The following CCDC187 variants were observed in gnomAD, a reference collection of about 807,000 sequenced individuals.
CCDC187 encodes the protein coiled-coil domain-containing protein 187.
Under a neutral mutation model 38.0 loss-of-function variants are expected in CCDC187, and 32 were observed. That is an observed-to-expected ratio of 0.84 (90% confidence interval 0.64 to 1.13). The LOEUF (loss-of-function observed/expected upper bound fraction) is 1.13. Ranked by LOEUF, CCDC187 falls within the 50% of genes most tolerant of loss-of-function variation. The pLI, the probability that CCDC187 is intolerant of heterozygous loss-of-function variation, is 0.00. For missense variants in CCDC187, 707 were observed against 786.8 expected (o/e 0.90, Z 1.21); for synonymous variants, 333 against 347.9 (o/e 0.96, Z 0.48).
At position 136,254,538 on chromosome 9, in the gene CCDC187, C is replaced by T; in HGVS notation, c.5290G>A (p.Glu1764Lys). The change falls in exon 26 of 26, where the codon GAG (glutamate) becomes AAG (lysine). Residue 1764 changes from glutamate to lysine, a missense_variant. By Grantham distance (56) the Glu-to-Lys change is moderately conservative. Coordinates refer to ENST00000638797, the MANE Select transcript of CCDC187 (RefSeq NM_001378188.1). Reference sequence around the variant, plus strand: ...TCTGGCAGGTCCTCCTCGCAGTCCTCCTCCCAAACTTTGCTGGAGGCCTCT... The same window carrying T: ...TCTGGCAGGTCCTCCTCGCAGTCCTTCTCCCAAACTTTGCTGGAGGCCTCT... ...LSEASSKVWEEDCEEDLPEPC... is the reference protein window; with the variant it reads ...LSEASSKVWEKDCEEDLPEPC... 1.0e-6 allele frequency: 1 copy of T among 985,536 alleles called. No homozygotes were observed. The highest frequency in any genetic ancestry group is 1.2e-6 in the Non-Finnish European group (1 of 830,000). 61.0% of individuals were successfully genotyped at this position (985,536 alleles called of 1,614,324 possible). A position where few individuals can be genotyped will look rare whatever the true frequency, so the allele number is the denominator to read the frequency against.
upstream of CCDC187, among the ~76,000 whole-genome samples, chr9:136,304,718 G>A (rs1343026796): frequency 6.6e-6 from 1 of 152,178 alleles, no homozygotes; most frequent in African/African-American, 2.4e-5. Flanking sequence ...GGAGCCTGGG[G>A]ACCACCCCCT....
In CCDC187 at chr9:136,256,258, G is replaced by A. The variant is rs568404740; in HGVS notation, c.4569C>T (p.Pro1523=). 56 of 985,538 alleles carry A rather than the reference G, an allele frequency of 5.7e-5. No individual in the cohort carries two copies. The South Asian group carries it at 1.2e-3, about 22-fold the overall frequency. The allele number at this position is 985,538 out of a possible 1,614,324, so 61.0% of individuals were successfully genotyped here. Residue 1523 remains proline, a synonymous_variant, in exon 24 of 26, where the codon CCC becomes CCT. Transcript: ENST00000638797. The part of the protein sequence containing the change: ...LESGLDFAES[P]VEESQETESW... ...TCTCGGTTTCCTGGGACTCCTCCAC[G>A]GGGCTCTCAGCAAAATCCAGCCCCG...
intron 5 of CCDC187, 141 bp downstream of exon 5, chr9:136,292,020 G>T: frequency 2.5e-6 from 1 of 397,622 alleles, no homozygotes; most frequent in Non-Finnish European, 4.4e-6. Flanking sequence ...TGGCAGGTTT[G>T]GAGGGTGTTT....
intron 4 of CCDC187, among the ~76,000 whole-genome samples, chr9:136,292,902 C>G (rs1831370412): frequency 6.6e-6 from 1 of 152,228 alleles, no homozygotes; most frequent in Admixed American, 6.5e-5. Context: ...GGCCCCACGT[C>G]CCGAGTACAA....
In CCDC187 at chr9:136,250,561, TCA is replaced by T; in HGVS notation, c.*3031_*3032del. On this transcript the variant is annotated 3_prime_UTR_variant, in exon 26 of 26. Transcript: ENST00000638797. ...GCAATAAATGGAAAAAAATAAAAAA[TCA>T]CAGACTAATTTGTTCAGAAGACTAG... The T allele has an allele frequency of 2.9e-6, 1 of 348,368 alleles. No individual in the cohort carries two copies. The highest frequency in any genetic ancestry group is 5.7e-6 in the Non-Finnish European group (1 of 175,478). 21.6% of individuals were successfully genotyped at this position (348,368 alleles called of 1,614,324 possible).
In CCDC187 at chr9:136,303,092, C is replaced by T. The variant is rs1351198783; in HGVS notation, c.345G>A (p.Ser115=). ...EARDGDSSVS[S]GRLSCSSGGH... ...CCCCCGAAGAGCACGAGAGGCGGCCCGATGACACCGAGCTGTCCCCATCCC... is the reference window on the plus strand; with the variant it reads ...CCCCCGAAGAGCACGAGAGGCGGCCTGATGACACCGAGCTGTCCCCATCCC... The change falls in exon 2 of 26, where the codon TCG becomes TCA. Residue 115 remains serine (S), a synonymous_variant. Transcript: ENST00000638797. The T allele has an allele frequency of 4.8e-5, 19 of 398,496 alleles. No individual in the cohort carries two copies. The highest frequency in any genetic ancestry group is 2.7e-4 in the African/African-American group (13 of 48,632). 24.7% of individuals were successfully genotyped at this position (398,496 alleles called of 1,614,324 possible).
rs1274839337 is a variant in CCDC187 at position 136,264,307 on chromosome 9, C to G, written c.3736-509G>C. ...AGCGGGTGTCTGGTCCATGGCCCCA[C>G]TGGGGAGTCCCAGACCCCACCTCCA... is the stretch of plus-strand genomic sequence containing the variant. On this transcript the variant is annotated intron_variant, in intron 17 of 25. Coordinates refer to ENST00000638797, the MANE Select transcript of CCDC187 (RefSeq NM_001378188.1). This position sits in a 1 kb window ranked among gnomAD's most constrained non-coding sequence, Gnocchi z 4.3. 1.3e-5 allele frequency: 2 copies of G among 152,318 alleles called. No homozygotes were observed. Among genetic ancestry groups the G allele is most frequent in the African/African-American group, 4.8e-5 (2 of 41,456 alleles). The allele number at this position is 152,318 out of a possible 1,614,324, so 9.4% of individuals were successfully genotyped here.
At chr9:136,305,980 G>T (rs1034509843), upstream of CCDC187, among the ~76,000 whole-genome samples, 40 of 152,328 alleles carry the variant, frequency 2.6e-4, no homozygotes, top group East Asian at 7.0e-3. Flanking sequence ...ACCCTCTGCC[G>T]ATGTTGTCCG....
chr9:136,262,907 A>G (rs1043168112), intron 18 of CCDC187, among the ~76,000 whole-genome samples: 5 of 151,920 alleles, frequency 3.3e-5, no homozygotes, highest in Non-Finnish European at 7.4e-5. Context: ...CCCCTTGTCC[A>G]CACAGCGTCC....
In CCDC187 at chr9:136,285,615, A is replaced by G. The variant is rs1048714371; in HGVS notation, c.2834-9T>C. The G allele has an allele frequency of 2.0e-5, 8 of 400,118 alleles. No homozygotes were observed. Among genetic ancestry groups the G allele is most frequent in the Admixed American group, 1.8e-4 (4 of 22,738 alleles). The allele number at this position is 400,118 out of a possible 1,614,324, so 24.8% of individuals were successfully genotyped here. On this transcript the variant is annotated splice_polypyrimidine_tract_variant and intron_variant, in intron 8 of 25. Coordinates refer to ENST00000638797, the MANE Select transcript of CCDC187 (RefSeq NM_001378188.1). ...TCCCTCCTCTGGAAAACCTTGGAGA[A>G]GAGGGCACCTGGCTTCACTCCCTGG...
rs1044720556 is a variant in CCDC187, at chr9:136,296,859, G to A, written c.832+855C>T. On this transcript the variant is annotated intron_variant, in intron 4 of 25. Coordinates refer to ENST00000638797, the MANE Select transcript of CCDC187 (RefSeq NM_001378188.1). ...ACAGGATTACCTGACTGGACTCTCC[G>A]GGAAACACGCATGAAATTAATCGTA... Among the ~76,000 whole-genome samples, 13 of 152,298 alleles carry A rather than the reference G, an allele frequency of 8.5e-5. No individual in the cohort carries two copies. The East Asian group carries it at 1.7e-3, about 20-fold the overall frequency.
At chr9:136,263,908 G>T in intron 17 of CCDC187, 110 bp from the exon 18 acceptor site, 2 of 793,740 alleles carry the variant, frequency 2.5e-6, no homozygotes, top group Non-Finnish European at 3.1e-6. Flanking sequence ...CACACTGGGA[G>T]GCCTCCCTTT....
At chr9:136,287,727 G>A (rs1280326610) in intron 7 of CCDC187, among the ~76,000 whole-genome samples, 2 of 152,236 alleles carry the variant, frequency 1.3e-5, no homozygotes, top group African/African-American at 2.4e-5. Context: ...CAAGCATGGC[G>A]TGTTCCTGCT....
intron 4 of CCDC187, among the ~76,000 whole-genome samples, chr9:136,293,173 G>A: frequency 1.7e-4 from 1 of 5,730 alleles, no homozygotes; most frequent in Non-Finnish European, 2.8e-4. Context: ...ACACTCACAT[G>A]CTCACACACA....
chr9:136,299,826 G>GGAAA (rs1831630976), intron 3 of CCDC187, among the ~76,000 whole-genome samples: 1 of 152,302 alleles, frequency 6.6e-6, no homozygotes, highest in African/African-American at 2.4e-5. Flanking sequence ...TCTACAAGAC[G>GGAAA]GAAAAGTGAG....
chr9:136,277,441 G>A (rs1465820428), intron 10 of CCDC187, among the ~76,000 whole-genome samples: 4 of 94,886 alleles, frequency 4.2e-5, no homozygotes, highest in Non-Finnish European at 9.1e-5. Context: ...GTGAGTGGGT[G>A]CAGATGGGGT....
intron 2 of CCDC187, among the ~76,000 whole-genome samples, chr9:136,300,651 G>A (rs1457910551): frequency 6.6e-6 from 1 of 151,488 alleles, no homozygotes; most frequent in African/African-American, 2.4e-5. Context: ...AGGCTGGAGT[G>A]CCATGGTGTG....
chr9:136,306,261 C>T (rs1423560716), upstream of CCDC187, among the ~76,000 whole-genome samples: 5 of 152,310 alleles, frequency 3.3e-5, no homozygotes, highest in East Asian at 7.8e-4. Context: ...TAGCTGGGTC[C>T]GTACCCATTC....
At position 136,252,549 on chromosome 9, in the gene CCDC187, C is replaced by G. The variant is rs1830561499; in HGVS notation, c.*1045G>C. The G allele has an allele frequency of 1.0e-5, 2 of 198,912 alleles. No homozygotes were observed. The highest frequency in any genetic ancestry group is 2.1e-5 in the Non-Finnish European group (2 of 94,426). The allele number at this position is 198,912 out of a possible 1,614,324, so 12.3% of individuals were successfully genotyped here. A position where few individuals can be genotyped will look rare whatever the true frequency, so the allele number is the denominator to read the frequency against. On this transcript the variant is annotated 3_prime_UTR_variant, in exon 26 of 26. Transcript: ENST00000638797. The stretch of plus-strand genomic sequence containing the variant: ...CCACCCGGTCCACCGGGGAAAGGTC[C>G]AGGAGACTGTCCCGCACAGCCGGCC...
Sources: allele counts gnomAD v4.1 joint callset (sites outside exome capture counted in the v4.1 genomes callset), GRCh38; gene constraint gnomAD v4.1.1; non-coding constraint Gnocchi (gnomAD v3.1); transcripts MANE v1.5; gene names NCBI Gene and HGNC (gene_info 2026-07-23, HGNC 2026-07-21).